The following PTPRD variants were observed in gnomAD, a reference collection of about 807,000 sequenced individuals.
PTPRD encodes protein tyrosine phosphatase receptor type D.
Under a neutral mutation model 214.5 loss-of-function variants are expected in PTPRD, and 34 were observed. The ratio of observed to expected loss-of-function variants is 0.16; its 90% confidence interval spans 0.12 to 0.21. The LOEUF is 0.21. PTPRD is among the 10% of genes least tolerant of loss of function. PTPRD has a pLI of 1.00. For missense variants in PTPRD, 2,545 were observed against 2,398.7 expected, an observed-to-expected ratio of 1.06 and a Z score of -1.27; for synonymous variants, 1,128 against 845.7, an observed-to-expected ratio of 1.33 and a Z score of -5.79.
chr9:10,063,841 A>G lies in PTPRD; in HGVS notation c.-544-30051T>C, dbSNP rs527956897. On this transcript the variant is annotated intron_variant, in intron 3 of 45. Coordinates refer to ENST00000381196, the MANE Select transcript of PTPRD (RefSeq NM_002839.4). Reference sequence around the variant, plus strand: ...AGCAGTACTGGGGAAAAACAAAAACAAAAAACAAAAACAACACCTCAGAAT... The same window carrying G: ...AGCAGTACTGGGGAAAAACAAAAACGAAAAACAAAAACAACACCTCAGAAT... Among the ~76,000 whole-genome samples, 12 of 152,066 alleles carry G rather than the reference A, an allele frequency of 7.9e-5. No homozygotes were observed. The South Asian group carries it at 1.9e-3, about 24-fold the overall frequency.
chr9:10,172,636 A>C (rs1220914370), intron 3 of PTPRD, among the ~76,000 whole-genome samples: 1 of 152,140 alleles, frequency 6.6e-6, no homozygotes, highest in East Asian at 1.9e-4. Flanking sequence ...ACCTCATTTA[A>C]TGCTGAACTG....
intron 11 of PTPRD, among the ~76,000 whole-genome samples, chr9:8,920,813 T>C (rs1317511046): frequency 6.6e-6 from 1 of 152,052 alleles, no homozygotes; most frequent in Non-Finnish European, 1.5e-5. Context: ...ATTTATTTAT[T>C]TATTTATTAT....
chr9:10,324,949 T>C (rs2096617405), intron 3 of PTPRD, among the ~76,000 whole-genome samples: 1 of 152,022 alleles, frequency 6.6e-6, no homozygotes, highest in Admixed American at 6.6e-5. Context: ...CAATATATAA[T>C]GTACTTTCCT....
chr9:8,824,938 G>A (rs2097146367), intron 11 of PTPRD, among the ~76,000 whole-genome samples: 2 of 152,094 alleles, frequency 1.3e-5, no homozygotes, highest in Admixed American at 6.5e-5. Context: ...AGACTGATTT[G>A]CTTTATTATA....
chr9:9,391,103 C>A (rs2065689288), intron 9 of PTPRD, among the ~76,000 whole-genome samples: 1 of 152,042 alleles, frequency 6.6e-6, no homozygotes, highest in South Asian at 2.1e-4. Context: ...TCAGAAATGT[C>A]AAATATGAAT....
In PTPRD at chr9:9,285,204, G is replaced by T. The variant is rs531899290; in HGVS notation, c.-202-101841C>A. ...AATTTTTTTCTCTCTTCCTCTATAT[G>T]TTCTGAAAATAGTACTTGTCTTGTC... On this transcript the variant is annotated intron_variant, in intron 9 of 45. Transcript: ENST00000381196. Among the ~76,000 whole-genome samples the T allele has an allele frequency of 5.9e-5, 9 of 151,556 alleles. No homozygotes were observed. In the East Asian group the frequency reaches 1.8e-3, roughly 30 times the overall value.
At chr9:10,160,516 T>A (rs541767284) in intron 3 of PTPRD, among the ~76,000 whole-genome samples, 3 of 151,820 alleles carry the variant, frequency 2.0e-5, no homozygotes, top group Non-Finnish European at 4.4e-5. Flanking sequence ...AAGCATTCAA[T>A]ACAATATAAT....
chr9:8,709,477 T>A (rs1400324605), intron 12 of PTPRD, among the ~76,000 whole-genome samples: 1 of 136,252 alleles, frequency 7.3e-6, no homozygotes, highest in African/African-American at 2.8e-5. Context: ...ATCACATCAC[T>A]GCACTCCAGC....
intron 9 of PTPRD, among the ~76,000 whole-genome samples, chr9:9,396,934 G>C (rs770668500): frequency 2.0e-5 from 3 of 151,964 alleles, no homozygotes; most frequent in Non-Finnish European, 4.4e-5. Flanking sequence ...CTTCTCCAGA[G>C]ATTAACTATA....
At chr9:8,995,381 T>C (rs2099392629) in intron 11 of PTPRD, among the ~76,000 whole-genome samples, 1 of 152,090 alleles carries the variant, frequency 6.6e-6, no homozygotes, top group Admixed American at 6.6e-5. Flanking sequence ...TCCTCCAAGT[T>C]GATATTAAGA....
intron 10 of PTPRD, among the ~76,000 whole-genome samples, chr9:9,072,511 T>C (rs1381185987): frequency 6.6e-6 from 1 of 152,168 alleles, no homozygotes; most frequent in East Asian, 1.9e-4. Context: ...ATTAAGATGC[T>C]TTTATGAAGG....
At chr9:8,964,315 T>A (rs1380702014) in intron 11 of PTPRD, among the ~76,000 whole-genome samples, 1 of 149,500 alleles carries the variant, frequency 6.7e-6, no homozygotes, top group Non-Finnish European at 1.5e-5. Context: ...AATTTATAAA[T>A]TTCCTCCCTA....
At chr9:9,267,795 C>CA (rs34612280) in intron 9 of PTPRD, among the ~76,000 whole-genome samples, 45,876 of 148,018 alleles carry the variant, frequency 0.31, 7,131 homozygotes, top group East Asian at 0.43. Flanking sequence ...TTTCAATAGA[C>CA]AAAAAAAAAG....
At chr9:8,633,082 G>C (rs758746092) in intron 14 of PTPRD, among the ~76,000 whole-genome samples, 4 of 151,946 alleles carry the variant, frequency 2.6e-5, no homozygotes, top group Non-Finnish European at 4.4e-5. Flanking sequence ...TCTGGCATTT[G>C]AAGTCAATGC....
At chr9:8,845,421 G>A (rs1023321557) in intron 11 of PTPRD, among the ~76,000 whole-genome samples, 4 of 152,156 alleles carry the variant, frequency 2.6e-5, no homozygotes, top group Admixed American at 2.6e-4. Flanking sequence ...CTCCTGGCTA[G>A]CTCTGGCGAT....
intron 8 of PTPRD, among the ~76,000 whole-genome samples, chr9:9,564,530 A>T (rs2083826404): frequency 6.6e-6 from 1 of 152,034 alleles, no homozygotes; most frequent in Non-Finnish European, 1.5e-5. Flanking sequence ...CTTTTATCAG[A>T]TTTACTAGAT....
intron 2 of PTPRD, among the ~76,000 whole-genome samples, chr9:10,432,389 A>G (rs1218294986): frequency 6.6e-6 from 1 of 151,712 alleles, no homozygotes; most frequent in African/African-American, 2.4e-5. Flanking sequence ...ATACATATGT[A>G]ACTAACCTGC....
intron 2 of PTPRD, among the ~76,000 whole-genome samples, chr9:10,494,021 C>A (rs1234329188): frequency 1.3e-5 from 2 of 151,732 alleles, no homozygotes; most frequent in African/African-American, 2.4e-5. Context: ...ATTTGTATAC[C>A]AGATGCCTTC....
chr9:9,222,429 T>C (rs1260021449), intron 9 of PTPRD, among the ~76,000 whole-genome samples: 1 of 152,078 alleles, frequency 6.6e-6, no homozygotes, highest in African/African-American at 2.4e-5. Context: ...TTACTTATAA[T>C]GGAATTTTCA....
Sources: allele counts gnomAD v4.1 joint callset (sites outside exome capture counted in the v4.1 genomes callset), GRCh38; gene constraint gnomAD v4.1.1; transcripts MANE v1.5; gene names NCBI Gene and HGNC (gene_info 2026-07-23, HGNC 2026-07-21).